DSG1: variants seen among roughly 807,000 people sequenced by gnomAD.
The protein encoded by DSG1 is desmoglein 1, also known as desmoglein-1.
A neutral mutation model predicts 97.5 loss-of-function variants in DSG1; 39 were observed. The ratio of observed to expected loss-of-function variants is 0.40; its 90% CI spans 0.31 to 0.52. The LOEUF (loss-of-function observed/expected upper bound fraction) is 0.52, where lower values mean the gene tolerates loss of function less well. Ranked by LOEUF, DSG1 falls within the 20% of genes least tolerant of loss-of-function variation. The pLI is 0.53. For synonymous variants in DSG1, 475 were observed against 443.4 expected (o/e 1.07, Z -0.90); for missense variants, 1,311 against 1,295.4 (o/e 1.01, Z -0.18).
At chr18:31,333,790 C>A in intron 7 of DSG1, 67 bp downstream of exon 7, 1 of 1,569,004 alleles carries the variant, frequency 6.4e-7, no homozygotes, top group South Asian at 1.1e-5. Context: ...ACGAACAATT[C>A]TGCTTACAGA....
chr18:31,336,269 T>TC, intron 8 of DSG1, 85 bp from the exon 9 acceptor site: 2 of 1,223,158 alleles, frequency 1.6e-6, no homozygotes, highest in Non-Finnish European at 2.3e-6. Context: ...GATAATAAGT[T>TC]TTTTTTGCTA....
rs1404387942 is a variant in DSG1, at chr18:31,338,027, A to G, written c.1266-288A>G. 2.0e-5 allele frequency among the ~76,000 whole-genome samples: 3 copies of G among 152,204 alleles called. No individual in the cohort carries two copies. The East Asian group carries it at 5.8e-4, about 29-fold the overall frequency. ...TCTGCTGCTACTTAAATCAAATGAA[A>G]ATGAGACTGCAAGCATCAAAGGATT... On this transcript the variant is annotated intron_variant, in intron 9 of 14. Transcript: ENST00000257192.
At chr18:31,328,615 T>A (rs1312121633) in intron 4 of DSG1, among the ~76,000 whole-genome samples, 3 of 152,166 alleles carry the variant, frequency 2.0e-5, no homozygotes, top group African/African-American at 2.4e-5. Context: ...ACCTAACTTT[T>A]TAATTTTTCC....
In DSG1 at chr18:31,354,414, G is replaced by A. The variant is rs200136926; in HGVS notation, c.2218G>A (p.Gly740Arg). The change falls in exon 15 of 15, where the codon GGA becomes AGA. Residue 740 changes from glycine to arginine, a missense_variant. This residue lies in a region of DSG1 where 1,038 missense variants were observed against 964.6 expected (regional missense o/e 1.08). Coordinates refer to ENST00000257192, the MANE Select transcript of DSG1 (RefSeq NM_001942.4). ...AGSVGCCSFI[G>R]EDLDDSFLDT... ...CTCTGTGGGTTGTTGTAGCTTCATT[G>A]GAGAAGACCTGGATGACAGCTTCTT... 1.9e-5 allele frequency: 30 copies of A among 1,614,172 alleles called. No homozygotes were observed. The Admixed American group carries it at 4.2e-4, about 22-fold the overall frequency.
chr18:31,346,295 C>T, intron 14 of DSG1, 97 bp downstream of exon 14: 1 of 993,046 alleles, frequency 1.0e-6, no homozygotes, highest in Non-Finnish European at 1.6e-6. Context: ...GCAGGAGTCT[C>T]CTAACTAGAT....
chr18:31,342,176 C>T (rs1366034796), intron 11 of DSG1, among the ~76,000 whole-genome samples: 3 of 152,138 alleles, frequency 2.0e-5, no homozygotes, highest in African/African-American at 7.2e-5. Context: ...TCGTGATCCA[C>T]CCGCTTTGGC....
At chr18:31,335,468 T>C (rs547260470) in intron 8 of DSG1, among the ~76,000 whole-genome samples, 88 of 152,146 alleles carry the variant, frequency 5.8e-4, no homozygotes, top group South Asian at 1.5e-3. Context: ...GAATGATAAT[T>C]GTTTGCCCAG....
Position 31,358,673 on chromosome 18 carries a change from A to C in DSG1, c.*3327A>C, listed in dbSNP as rs1246308611. Among the ~76,000 whole-genome samples, 1 of 152,116 alleles carries C rather than the reference A, an allele frequency of 6.6e-6. No homozygotes were observed. The highest frequency in any genetic ancestry group is 1.9e-4 in the East Asian group (1 of 5,196). ...ATTATAATCTTTAGCATAAATGGCCATGACTATTTTGGAAAGACATTTAAG... is the reference window on the plus strand; with the variant it reads ...ATTATAATCTTTAGCATAAATGGCCCTGACTATTTTGGAAAGACATTTAAG... On this transcript the variant is annotated 3_prime_UTR_variant, in exon 15 of 15. Coordinates refer to ENST00000257192, the MANE Select transcript of DSG1 (RefSeq NM_001942.4).
chr18:31,324,067 T>C (rs1367172883), intron 1 of DSG1, among the ~76,000 whole-genome samples: 6 of 130,898 alleles, frequency 4.6e-5, no homozygotes, highest in African/African-American at 1.7e-4. Flanking sequence ...CACTGCAACC[T>C]CCGCCTCCTG....
chr18:31,326,773 T>C, intron 2 of DSG1, 101 bp from the exon 3 acceptor site: 1 of 1,445,318 alleles, frequency 6.9e-7, no homozygotes, highest in Non-Finnish European at 9.7e-7. Flanking sequence ...CAATTAAACA[T>C]CCTCTATTTC....
rs762894460 is a variant in DSG1 at position 31,318,734 on chromosome 18, T to A, written c.48+386T>A. 7.5e-3 allele frequency among the ~76,000 whole-genome samples: 419 copies of A among 56,034 alleles called. 4 individuals are homozygous for A. Among genetic ancestry groups the A allele is most frequent in the East Asian group, 0.023 (108 of 4,602 alleles). 36.8% of individuals were successfully genotyped at this position (56,034 alleles called of 152,430 possible). ...GATTTTTAACCTGTTTTTTTTTTTA[T>A]TTTTTTTGTGTGTTTGGTGGTGGAA... is the stretch of plus-strand genomic sequence containing the variant. On this transcript the variant is annotated intron_variant, in intron 1 of 14. Coordinates refer to ENST00000257192, the MANE Select transcript of DSG1 (RefSeq NM_001942.4).
intron 1 of DSG1, among the ~76,000 whole-genome samples, chr18:31,319,087 G>T (rs77523198): frequency 6.6e-6 from 1 of 152,146 alleles, no homozygotes. Flanking sequence ...TTGATCGTCT[G>T]ACGAATGTAA....
At chr18:31,337,272 T>G (rs751335581) in intron 9 of DSG1, among the ~76,000 whole-genome samples, 1 of 152,092 alleles carries the variant, frequency 6.6e-6, no homozygotes, top group South Asian at 2.1e-4. Context: ...TTGTTTGTTT[T>G]TTGAGACAGA....
At chr18:31,353,716 G>A (rs1433942636) in intron 14 of DSG1, among the ~76,000 whole-genome samples, 1 of 152,194 alleles carries the variant, frequency 6.6e-6, no homozygotes, top group Non-Finnish European at 1.5e-5. Context: ...GTATTCGGGT[G>A]GGAGTGACCC....
At chr18:31,320,780 T>G (rs578228269) in intron 1 of DSG1, among the ~76,000 whole-genome samples, 1 of 152,302 alleles carries the variant, frequency 6.6e-6, no homozygotes, top group African/African-American at 2.4e-5. Context: ...ATGCACCAAA[T>G]AAAAGAAATC....
intron 14 of DSG1, among the ~76,000 whole-genome samples, chr18:31,348,022 G>T (rs548235547): frequency 6.6e-6 from 1 of 151,650 alleles, no homozygotes; most frequent in South Asian, 2.1e-4. Flanking sequence ...CATTGTGCAG[G>T]TTAGTTACAT....
intron 14 of DSG1, among the ~76,000 whole-genome samples, chr18:31,352,554 C>T (rs914076840): frequency 6.7e-6 from 1 of 150,242 alleles, no homozygotes; most frequent in Non-Finnish European, 1.5e-5. Flanking sequence ...GGATAATATC[C>T]TACAGAGTGT....
intron 1 of DSG1, among the ~76,000 whole-genome samples, chr18:31,325,669 T>A (rs2144086376): frequency 6.6e-6 from 1 of 152,214 alleles, no homozygotes; most frequent in Non-Finnish European, 1.5e-5. Context: ...ACAAGGATAA[T>A]AGGTTAGTTT....
At position 31,354,033 on chromosome 18, in the gene DSG1, A is replaced by T. The variant is rs16961690; in HGVS notation, c.2101-264A>T. On this transcript the variant is annotated intron_variant, in intron 14 of 14. Transcript: ENST00000257192. ...ATGTGATTTTTTTGTGTATGGTTTT[A>T]TGTCCAAAGTACACAATTATAAATA... 4,130 of 425,856 alleles carry T rather than the reference A, an allele frequency of 9.7e-3. 161 individuals carry two copies. The highest frequency in any genetic ancestry group is 0.077 in the African/African-American group (3,817 of 49,706). 26.4% of individuals were successfully genotyped at this position (425,856 alleles called of 1,614,324 possible).
Sources: allele counts gnomAD v4.1 joint callset (sites outside exome capture counted in the v4.1 genomes callset), GRCh38; gene constraint gnomAD v4.1.1; regional missense constraint gnomAD v4.1.1; transcripts MANE v1.5; gene names NCBI Gene and HGNC (gene_info 2026-07-23, HGNC 2026-07-21).